The following AQR variants were observed in gnomAD, a reference collection of about 807,000 sequenced individuals.
AQR encodes the protein aquarius intron-binding spliceosomal factor.
A neutral mutation model predicts 180.5 loss-of-function variants in AQR; 61 were observed. The observed-to-expected ratio is 0.34, with a 90% CI of 0.28 to 0.42. AQR has a LOEUF of 0.42. AQR is among the 10% of genes least tolerant of loss of function. AQR has a pLI of 1.00. For missense variants in AQR, 1,281 were observed against 1,798.3 expected (o/e 0.71, Z 5.20); for synonymous variants, 551 against 588.8 (o/e 0.94, Z 0.93).
chr15:34,946,149 T>C (rs563358572), intron 5 of AQR, among the ~76,000 whole-genome samples: 2 of 152,238 alleles, frequency 1.3e-5, no homozygotes, highest in South Asian at 4.1e-4. Flanking sequence ...CGGGCACCTG[T>C]AATCCCAGCT....
intron 32 of AQR, among the ~76,000 whole-genome samples, chr15:34,865,163 A>G (rs375636605): frequency 1.7e-4 from 26 of 152,272 alleles, no homozygotes; most frequent in African/African-American, 5.8e-4. Context: ...ATGGCTGGAG[A>G]GGAAAAGCAC....
chr15:34,903,455 A>C (rs535278263), intron 19 of AQR, among the ~76,000 whole-genome samples: 15 of 152,270 alleles, frequency 9.9e-5, no homozygotes, highest in African/African-American at 3.6e-4. Context: ...TGAGAGATAA[A>C]GGTGTCCTGG....
At position 34,940,899 on chromosome 15, in the gene AQR, T is replaced by C. The variant is rs2140496889; in HGVS notation, c.641A>G (p.Gln214Arg). The C allele has an allele frequency of 6.3e-7, 1 of 1,597,610 alleles. No individual in the cohort carries two copies. Among genetic ancestry groups the C allele is most frequent in the Non-Finnish European group, 8.6e-7 (1 of 1,167,654 alleles). Residue 214 changes from glutamine to arginine, a missense_variant and splice_region_variant, in exon 8 of 35, where the codon CAG (glutamine) becomes CGG (arginine). This residue lies in a region of AQR where 404 missense variants were observed against 490.9 expected (regional missense o/e 0.82). Transcript: ENST00000156471. ...DEKMDPEARE[Q>R]AYQERRFLSQ... ...ATGAAATGAAGCTCTGCCAACATAC[T>C]GTTCTCTTGCTTCTGGATCCATCTT... is the stretch of plus-strand genomic sequence containing the variant.
intron 8 of AQR, 122 bp from the exon 9 acceptor site, chr15:34,938,935 A>C (rs895469833): frequency 3.0e-6 from 2 of 673,092 alleles, no homozygotes; most frequent in Non-Finnish European, 5.1e-6. Context: ...TGAAGCTGGG[A>C]CTATAACTTC....
chr15:34,957,063 C>T (rs1489506486), intron 3 of AQR, among the ~76,000 whole-genome samples: 5 of 152,200 alleles, frequency 3.3e-5, no homozygotes, highest in Non-Finnish European at 1.5e-5. Flanking sequence ...ATGGCTGTTA[C>T]ATCAAGCCAT....
intron 25 of AQR, 84 bp downstream of exon 25, chr15:34,886,442 T>C: frequency 3.5e-6 from 5 of 1,424,134 alleles, no homozygotes; most frequent in Non-Finnish European, 4.7e-6. Flanking sequence ...TAAGCTTTCA[T>C]GAAGGATCAC....
At chr15:34,943,633 C>G (rs1421438463) in intron 6 of AQR, among the ~76,000 whole-genome samples, 1 of 152,078 alleles carries the variant, frequency 6.6e-6, no homozygotes, top group Non-Finnish European at 1.5e-5. Context: ...GAAAGAACTC[C>G]ATGCATTCCT....
At chr15:34,893,841 TG>T in intron 22 of AQR, 68 bp from the exon 23 acceptor site, 1 of 1,351,116 alleles carries the variant, frequency 7.4e-7, no homozygotes, top group South Asian at 1.2e-5. Context: ...TTAGAAAACG[TG>T]AAGTACAGAC....
intron 34 of AQR, 100 bp from the exon 35 acceptor site, chr15:34,857,206 G>T: frequency 8.6e-7 from 1 of 1,166,780 alleles, no homozygotes; most frequent in Non-Finnish European, 1.2e-6. Context: ...AAACAGTGCT[G>T]ACCATTTTAT....
chr15:34,895,029 G>A (rs930354638), intron 22 of AQR, among the ~76,000 whole-genome samples: 28 of 149,844 alleles, frequency 1.9e-4, no homozygotes, highest in African/African-American at 6.1e-4. Flanking sequence ...TCAGCTGGCC[G>A]TGGTGGTGCA....
intron 18 of AQR, among the ~76,000 whole-genome samples, chr15:34,904,865 A>G (rs1337512588): frequency 6.6e-6 from 1 of 152,022 alleles, no homozygotes; most frequent in African/African-American, 2.4e-5. Context: ...ACATATAGTA[A>G]GTATTCAATA....
intron 23 of AQR, 57 bp downstream of exon 23, chr15:34,893,600 CATGCGT>C (rs1380927364): frequency 3.0e-6 from 4 of 1,338,598 alleles, no homozygotes; most frequent in African/African-American, 1.5e-5. Context: ...TGTGCATGCG[CATGCGT>C]GCACACACAC....
At chr15:34,954,055 C>T (rs772760915) in intron 3 of AQR, among the ~76,000 whole-genome samples, 7 of 152,140 alleles carry the variant, frequency 4.6e-5, no homozygotes, top group Non-Finnish European at 8.8e-5. Context: ...GCTGGGATTA[C>T]AGTCACGTGC....
intron 27 of AQR, among the ~76,000 whole-genome samples, chr15:34,877,358 G>A (rs1249106825): frequency 1.3e-5 from 2 of 152,150 alleles, no homozygotes; most frequent in Non-Finnish European, 2.9e-5. Context: ...ATTTTCCAGG[G>A]AGGTGGGAGA....
At chr15:34,964,312 C>G in intron 1 of AQR, 22 bp from the exon 2 acceptor site, 2 of 1,566,134 alleles carry the variant, frequency 1.3e-6, no homozygotes, top group Non-Finnish European at 1.8e-6. Context: ...ACAGTATAAA[C>G]AGTAAGTCCC....
At chr15:34,960,942 G>A in intron 2 of AQR, 128 bp from the exon 3 acceptor site, 1 of 389,010 alleles carries the variant, frequency 2.6e-6, no homozygotes, top group Non-Finnish European at 4.6e-6. Context: ...TACTGCTATT[G>A]AAATAATGAG....
intron 22 of AQR, among the ~76,000 whole-genome samples, chr15:34,895,103 A>C (rs937566837): frequency 7.3e-5 from 10 of 137,710 alleles, no homozygotes; most frequent in Non-Finnish European, 1.4e-4. Flanking sequence ...CAGAGGTTGC[A>C]GTGAGCTAAG....
intron 34 of AQR, among the ~76,000 whole-genome samples, chr15:34,857,898 T>C (rs77852481): frequency 0.063 from 9,545 of 152,314 alleles, 1,030 homozygotes; most frequent in African/African-American, 0.21. Flanking sequence ...TATGCTTAGC[T>C]TGCCCTTTGC....
intron 23 of AQR, among the ~76,000 whole-genome samples, chr15:34,891,832 A>G (rs1595788172): frequency 6.6e-6 from 1 of 152,110 alleles, no homozygotes; most frequent in Non-Finnish European, 1.5e-5. Context: ...AGTATATTAG[A>G]TGCATTATGT....
Sources: allele counts gnomAD v4.1 joint callset (sites outside exome capture counted in the v4.1 genomes callset), GRCh38; gene constraint gnomAD v4.1.1; regional missense constraint gnomAD v4.1.1; transcripts MANE v1.5; gene names NCBI Gene and HGNC (gene_info 2026-07-23, HGNC 2026-07-21).